Variants in GLRA2 observed in about 807,000 individuals in gnomAD.
GLRA2 encodes glycine receptor alpha 2.
GLRA2 carries 11 observed loss-of-function variants against 31.6 expected under a neutral mutation model. That is an observed-to-expected ratio of 0.35 (90% CI 0.22 to 0.58). GLRA2 has a LOEUF of 0.58. Ranked by LOEUF, GLRA2 falls within the 20% of genes least tolerant of loss-of-function variation. GLRA2 has a pLI of 0.84. For synonymous variants in GLRA2, 132 were observed against 134.0 expected, an observed-to-expected ratio of 0.99 and a Z score of 0.10; for missense variants, 212 against 351.8, an observed-to-expected ratio of 0.60 and a Z score of 3.18.
At chrX:14,502,080 T>C in the GLRA2 span, among the ~76,000 whole-genome samples, 1 of 112,142 alleles carries the variant, frequency 8.9e-6, no homozygotes, top group Non-Finnish European at 1.9e-5. Context: ...TATAGTCACA[T>C]TCTGAGGTAC....
the GLRA2 span, among the ~76,000 whole-genome samples, chrX:14,480,115 G>A: frequency 8.9e-6 from 1 of 111,834 alleles, no homozygotes; most frequent in African/African-American, 3.2e-5. Flanking sequence ...TTTCTCTGAT[G>A]ATCAGTGATG....
intron 1 of GLRA2, among the ~76,000 whole-genome samples, chrX:14,531,895 C>T (rs2089260365): frequency 9.0e-6 from 1 of 111,332 alleles, no homozygotes; most frequent in African/African-American, 3.2e-5. Context: ...AAGACAATCA[C>T]ATGAATTTAA....
At chrX:14,648,867 G>C (rs978725423) in intron 7 of GLRA2, among the ~76,000 whole-genome samples, 8 of 112,132 alleles carry the variant, frequency 7.1e-5, no homozygotes, top group African/African-American at 2.6e-4. Context: ...AAATCCTCAT[G>C]CACTTCTGGT....
intron 8 of GLRA2, among the ~76,000 whole-genome samples, chrX:14,728,040 T>C (rs1248702007): frequency 8.9e-6 from 1 of 112,299 alleles, no homozygotes; most frequent in Non-Finnish European, 1.9e-5. Context: ...TAATCCCATA[T>C]AAATAAAAGT....
chrX:14,497,871 A>G, the GLRA2 span, among the ~76,000 whole-genome samples: 1 of 107,460 alleles, frequency 9.3e-6, no homozygotes, highest in African/African-American at 3.4e-5. Flanking sequence ...CTGCTTAAGG[A>G]GGTACTCTAA....
In GLRA2 at chrX:14,577,570, A is replaced by C. The variant is rs188125055; in HGVS notation, c.270+3170A>C. Among the ~76,000 whole-genome samples, 411 of 112,044 alleles carry C rather than the reference A, an allele frequency of 3.7e-3. 1 individual carries two copies. The highest frequency in any genetic ancestry group is 0.013 in the African/African-American group (389 of 30,849). On this transcript the variant is annotated intron_variant, in intron 3 of 8. Coordinates refer to ENST00000218075, the MANE Select transcript of GLRA2 (RefSeq NM_002063.4). Reference sequence around the variant, plus strand: ...GGAAGTGTGAGATCAGGGTACTAGCATGGTCAGGTTCTGATGAGAACTCTA... The same window carrying C: ...GGAAGTGTGAGATCAGGGTACTAGCCTGGTCAGGTTCTGATGAGAACTCTA...
At chrX:14,563,401 A>G (rs1209234188) in intron 2 of GLRA2, among the ~76,000 whole-genome samples, 2 of 112,510 alleles carry the variant, frequency 1.8e-5, no homozygotes, top group Non-Finnish European at 3.8e-5. Context: ...GAGAAGGAAT[A>G]TTACAGTCTT....
At chrX:14,491,145 C>CT in the GLRA2 span, among the ~76,000 whole-genome samples, 1 of 111,781 alleles carries the variant, frequency 8.9e-6, no homozygotes, top group African/African-American at 3.3e-5. Context: ...CACCAAACAG[C>CT]TTTTTTTCCT....
At chrX:14,486,730 TGTGA>T in the GLRA2 span, among the ~76,000 whole-genome samples, 12 of 111,902 alleles carry the variant, frequency 1.1e-4, no homozygotes, top group African/African-American at 3.6e-4. Context: ...GTTCTTGAAC[TGTGA>T]GTGAGTGTAT....
chrX:14,454,736 C>A, the GLRA2 span, among the ~76,000 whole-genome samples: 4 of 111,498 alleles, frequency 3.6e-5, no homozygotes, highest in Non-Finnish European at 7.5e-5. Context: ...TTGTCTGTTG[C>A]CATCAATACA....
At chrX:14,702,005 C>G (rs1472789102) in intron 8 of GLRA2, among the ~76,000 whole-genome samples, 2 of 112,226 alleles carry the variant, frequency 1.8e-5, no homozygotes, top group Admixed American at 1.9e-4. Flanking sequence ...GCATCTTCTC[C>G]ACTTGGTAGT....
intron 7 of GLRA2, among the ~76,000 whole-genome samples, chrX:14,612,538 G>A (rs1389395067): frequency 4.5e-5 from 5 of 110,658 alleles, no homozygotes; most frequent in Non-Finnish European, 1.9e-5. Context: ...TGTTTATTGC[G>A]GCACTATTCA....
At chrX:14,450,936 C>G in the GLRA2 span, among the ~76,000 whole-genome samples, 1 of 111,346 alleles carries the variant, frequency 9.0e-6, no homozygotes, top group Non-Finnish European at 1.9e-5. Flanking sequence ...GTCTTGAACT[C>G]TAATTCACCT....
chrX:14,610,471 G>A (rs2090385867), intron 7 of GLRA2, among the ~76,000 whole-genome samples: 1 of 111,984 alleles, frequency 8.9e-6, no homozygotes, highest in South Asian at 3.7e-4. Context: ...ATAGTATAAT[G>A]TACCTGTATT....
rs1451366301 is a variant in GLRA2 at position 14,600,595 on chromosome X, G to T, written c.495-3720G>T. Among the ~76,000 whole-genome samples, 7 of 110,705 alleles carry T rather than the reference G, an allele frequency of 6.3e-5. No homozygotes were observed. In the Admixed American group the frequency reaches 6.8e-4, roughly 11 times the overall value. On this transcript the variant is annotated intron_variant, in intron 4 of 8. Coordinates refer to ENST00000218075, the MANE Select transcript of GLRA2 (RefSeq NM_002063.4). ...TGTTTATGTTTATGGGGCACAAAGTGATGTTATGATTTAAGAATAGAATGT... is the reference window on the plus strand; with the variant it reads ...TGTTTATGTTTATGGGGCACAAAGTTATGTTATGATTTAAGAATAGAATGT...
At chrX:14,705,250 G>T (rs898356540) in intron 8 of GLRA2, among the ~76,000 whole-genome samples, 1 of 111,990 alleles carries the variant, frequency 8.9e-6, no homozygotes, top group Non-Finnish European at 1.9e-5. Context: ...CCTTCAAGAG[G>T]AAAGTGAGAG....
chrX:14,604,543 AGTGTGT>A (rs377121617), intron 5 of GLRA2, 146 bp downstream of exon 5: 17,216 of 158,820 alleles, frequency 0.11, 1,233 homozygotes, highest in African/African-American at 0.23. Flanking sequence ...GACAAACCAA[AGTGTGT>A]GTGTGTGTGT....
At chrX:14,699,237 C>T (rs1213728086) in intron 8 of GLRA2, among the ~76,000 whole-genome samples, 1 of 111,947 alleles carries the variant, frequency 8.9e-6, no homozygotes, top group African/African-American at 3.3e-5. Flanking sequence ...GCAGCCTCAC[C>T]TGCATTTATC....
intron 2 of GLRA2, among the ~76,000 whole-genome samples, chrX:14,557,102 CTTTTTTTTTTTT>C (rs58282642): frequency 6.9e-4 from 32 of 46,349 alleles, no homozygotes; most frequent in Non-Finnish European, 1.1e-3. Context: ...TAAAGTATTT[CTTTTTTTTTTTT>C]TTTTTTTTTT....
Sources: allele counts gnomAD v4.1 joint callset (sites outside exome capture counted in the v4.1 genomes callset), GRCh38; gene constraint gnomAD v4.1.1; transcripts MANE v1.5; gene names NCBI Gene and HGNC (gene_info 2026-07-23, HGNC 2026-07-21).